The following HERC1 variants were observed in gnomAD, a reference collection of about 807,000 sequenced individuals.
The protein encoded by HERC1 is probable E3 ubiquitin-protein ligase HERC1.
Under a neutral mutation model 554.3 loss-of-function variants are expected in HERC1, and 160 were observed. That is an observed-to-expected ratio of 0.29 (90% CI 0.25 to 0.33). HERC1 has a LOEUF of 0.33. Ranked by LOEUF, HERC1 falls within the 10% of genes least tolerant of loss-of-function variation. The pLI is 1.00. For synonymous variants in HERC1, 2,175 were observed against 2,131.7 expected (o/e 1.02, Z -0.56); for missense variants, 4,919 against 5,918.5 (o/e 0.83, Z 5.54).
At chr15:63,675,835 A>G (rs1399845878) in intron 37 of HERC1, among the ~76,000 whole-genome samples, 1 of 146,986 alleles carries the variant, frequency 6.8e-6, no homozygotes, top group Non-Finnish European at 1.5e-5. Context: ...TTACCTTTCT[A>G]TTTTCCTCTA....
chr15:63,783,157 A>G (rs774991582), intron 1 of HERC1, among the ~76,000 whole-genome samples: 2 of 152,244 alleles, frequency 1.3e-5, no homozygotes, highest in Non-Finnish European at 2.9e-5. Flanking sequence ...GAATTTTGAA[A>G]GAAGTTCTAC....
chr15:63,666,163 A>G lies in HERC1; in HGVS notation c.8324-13T>C, dbSNP rs1458053218. On this transcript the variant is annotated splice_polypyrimidine_tract_variant and intron_variant, in intron 41 of 77. Coordinates refer to ENST00000443617, the MANE Select transcript of HERC1 (RefSeq NM_003922.4). ...TCTCCCCTAGCACCTATACAGGGGA[A>G]AAACAGTCTGATGCTGACTTTGGGC... 1 of 1,590,138 alleles carries G rather than the reference A, an allele frequency of 6.3e-7. No individual in the cohort carries two copies. The highest frequency in any genetic ancestry group is 1.8e-5 in the Admixed American group (1 of 55,878).
At position 63,622,836 on chromosome 15, in the gene HERC1, T is replaced by C. The variant is rs377273877; in HGVS notation, c.13667A>G (p.Glu4556Gly). The part of the protein sequence containing the change: ...LLIPSPNATA[E>G]VGYNRDRFLF... ...ATACCTGTCCCTATTGTAACCCACT[T>C]CTGCGGTGGCATTGGGAGAGGGTAT... is the stretch of plus-strand genomic sequence containing the variant. Residue 4556 changes from glutamate to glycine, a missense_variant, in exon 74 of 78, where the codon GAA becomes GGA. This residue lies in a region of HERC1 where 284 missense variants were observed against 294.1 expected (regional missense o/e 0.97). Transcript: ENST00000443617. 6 of 1,607,554 alleles carry C rather than the reference T, an allele frequency of 3.7e-6. No individual in the cohort carries two copies. The highest frequency in any genetic ancestry group is 5.1e-6 in the Non-Finnish European group (6 of 1,177,336).
At chr15:63,829,499 T>TATATATATATATATAC (rs1336272062) in intron 1 of HERC1, among the ~76,000 whole-genome samples, 3 of 53,378 alleles carry the variant, frequency 5.6e-5, no homozygotes, top group African/African-American at 1.2e-4. Flanking sequence ...TATATATATA[T>TATATATATATATATAC]ACACACACAC....
At chr15:63,663,817 A>T (rs914438788) in intron 43 of HERC1, among the ~76,000 whole-genome samples, 1 of 152,126 alleles carries the variant, frequency 6.6e-6, no homozygotes, top group African/African-American at 2.4e-5. Context: ...TTTAGGTTTT[A>T]AAAAAAATCA....
At chr15:63,699,580 C>CTG (rs2072611598) in intron 25 of HERC1, among the ~76,000 whole-genome samples, 2 of 152,168 alleles carry the variant, frequency 1.3e-5, no homozygotes, top group African/African-American at 4.8e-5. Flanking sequence ...TTCTCACTGA[C>CTG]TGTGTCATGT....
intron 36 of HERC1, 49 bp from the exon 37 acceptor site, chr15:63,678,414 C>G: frequency 6.7e-7 from 1 of 1,489,848 alleles, no homozygotes; most frequent in Non-Finnish European, 8.9e-7. Flanking sequence ...AGTAGTTCTT[C>G]TTAGTCACTA....
intron 2 of HERC1, among the ~76,000 whole-genome samples, chr15:63,764,518 G>A (rs1339742780): frequency 6.6e-6 from 1 of 152,190 alleles, no homozygotes; most frequent in Non-Finnish European, 1.5e-5. Flanking sequence ...TGGGTGACCA[G>A]TATCCAGAAA....
Position 63,669,657 on chromosome 15 carries a change from G to A in HERC1, c.8087C>T (p.Thr2696Ile). 2 of 1,613,962 alleles carry A rather than the reference G, an allele frequency of 1.2e-6. No individual in the cohort carries two copies. The highest frequency in any genetic ancestry group is 1.7e-6 in the Non-Finnish European group (2 of 1,179,814). ...SSYPTTTVLP[T>I]RRAQTPPISS... ...TATTGGAGGAGTCTGTGCCCGACGT[G>A]TGGGAAGTACAGTGGTAGTTGGGTA... The change falls in exon 40 of 78, where the codon ACA becomes ATA. Residue 2696 changes from threonine (T) to isoleucine (I), a missense_variant. Physicochemically the swap from Thr to Ile is moderately conservative, Grantham distance 89. Around this residue, in one of 11 missense-constraint regions of HERC1, gnomAD observed 1,963 missense variants for 2,228.6 expected, o/e 0.88. Transcript: ENST00000443617.
intron 1 of HERC1, among the ~76,000 whole-genome samples, chr15:63,784,407 G>A (rs139745033): frequency 1.3e-5 from 2 of 152,178 alleles, no homozygotes; most frequent in East Asian, 3.9e-4. Flanking sequence ...TGTGTATACT[G>A]TAATAGTTCA....
rs2074107141 is a variant in HERC1, at chr15:63,728,000, C to T, written c.3155-162G>A. ...CTGATGTAGTATCAGTGTTTATTCA[C>T]TTTCAGAAAGTACCACCAACAAACA... is the stretch of plus-strand genomic sequence containing the variant. On this transcript the variant is annotated intron_variant, in intron 16 of 77. Coordinates refer to ENST00000443617, the MANE Select transcript of HERC1 (RefSeq NM_003922.4). This position sits in a 1 kb window ranked among gnomAD's most constrained non-coding sequence, Gnocchi z 4.3. Among the ~76,000 whole-genome samples, 1 of 152,196 alleles carries T rather than the reference C, an allele frequency of 6.6e-6. No individual in the cohort carries two copies. The highest frequency in any genetic ancestry group is 1.5e-5 in the Non-Finnish European group (1 of 68,028).
intron 1 of HERC1, among the ~76,000 whole-genome samples, chr15:63,817,705 A>G (rs1234466135): frequency 6.6e-6 from 1 of 152,100 alleles, no homozygotes; most frequent in Non-Finnish European, 1.5e-5. Flanking sequence ...ACACAGCGAG[A>G]CTCTGTCTCA....
Position 63,624,289 on chromosome 15 carries a change from A to T in HERC1, c.13314T>A (p.Ile4438=). ...TSHYNAGTWG[I]VQGQLRPLLA... The stretch of plus-strand genomic sequence containing the variant: ...ACAAAGGCCGAAGTTGTCCCTGTAC[A>T]ATGCCCCAAGTTCCAGCATTATAAT... Residue 4438 remains isoleucine (I), a synonymous_variant, in exon 72 of 78, where the codon ATT becomes ATA. Transcript: ENST00000443617. The T allele has an allele frequency of 6.2e-7, 1 of 1,612,262 alleles. No homozygotes were observed. Among genetic ancestry groups the T allele is most frequent in the African/African-American group, 1.3e-5 (1 of 75,032 alleles).
At chr15:63,660,354 C>A (rs948800281) in intron 46 of HERC1, among the ~76,000 whole-genome samples, 14 of 139,610 alleles carry the variant, frequency 1.0e-4, no homozygotes, top group Non-Finnish European at 1.8e-4. Flanking sequence ...TAAATAAATA[C>A]ATACATACAT....
intron 2 of HERC1, among the ~76,000 whole-genome samples, chr15:63,771,524 A>G (rs1279891342): frequency 2.6e-5 from 4 of 151,008 alleles, no homozygotes; most frequent in East Asian, 3.9e-4. Flanking sequence ...TCCACCTCCC[A>G]GGTTCAAGCG....
intron 51 of HERC1, 23 bp downstream of exon 51, chr15:63,654,096 C>T (rs766101279): frequency 1.0e-5 from 16 of 1,572,694 alleles, no homozygotes; most frequent in Admixed American, 1.7e-5. Context: ...GTGATTAACA[C>T]ACTTTCCACT....
rs1040291610 is a variant in HERC1 at position 63,659,806 on chromosome 15, G to A, written c.9354C>T (p.Ser3118=). 3.7e-6 allele frequency: 6 copies of A among 1,613,782 alleles called. No individual in the cohort carries two copies. Among genetic ancestry groups the A allele is most frequent in the Non-Finnish European group, 3.4e-6 (4 of 1,179,746 alleles). The change falls in exon 47 of 78, where the codon AGC becomes AGT. Residue 3118 remains serine, a synonymous_variant. Coordinates refer to ENST00000443617, the MANE Select transcript of HERC1 (RefSeq NM_003922.4). The part of the protein sequence containing the change: ...IVPEPVQFPD[S]DPLGASVAMV... ...TTGCTACTGATGCTCCCAGTGGATC[G>A]CTGTCAGGGAACTGAACTGGTTCTG...
At chr15:63,721,435 A>G (rs533391881) in intron 19 of HERC1, among the ~76,000 whole-genome samples, 1 of 152,326 alleles carries the variant, frequency 6.6e-6, no homozygotes, top group East Asian at 1.9e-4. Flanking sequence ...CTGAGGCAGG[A>G]GAATCGTTTG....
chr15:63,826,803 AAAAAAAAAAAAATATATATATATATAT>A (rs1302225719), intron 1 of HERC1, among the ~76,000 whole-genome samples: 3 of 73,666 alleles, frequency 4.1e-5, no homozygotes, highest in South Asian at 3.6e-4. Context: ...AAAAAAAAAA[AAAAAAAAAAAAATATATATATATATAT>A]ATATATATAT....
Sources: allele counts gnomAD v4.1 joint callset (sites outside exome capture counted in the v4.1 genomes callset), GRCh38; gene constraint gnomAD v4.1.1; regional missense constraint gnomAD v4.1.1; non-coding constraint Gnocchi (gnomAD v3.1); transcripts MANE v1.5; gene names NCBI Gene and HGNC (gene_info 2026-07-23, HGNC 2026-07-21).